Variants in C5orf15 observed in about 807,000 individuals in gnomAD.
C5orf15 encodes the protein chromosome 5 open reading frame 15.
C5orf15 carries 10 observed loss-of-function variants against 17.8 expected under a neutral mutation model. That is an observed-to-expected ratio of 0.56 (90% CI 0.35 to 0.95). The LOEUF is 0.95. Among genes scored for constraint, C5orf15 ranks in the 40% least tolerant of loss-of-function variants. The pLI is 0.02. For synonymous variants in C5orf15, 124 were observed against 131.0 expected, an observed-to-expected ratio of 0.95 and a Z score of 0.36; for missense variants, 319 against 331.7, an observed-to-expected ratio of 0.96 and a Z score of 0.30.
intron 1 of C5orf15, among the ~76,000 whole-genome samples, chr5:133,963,455 A>G (rs1195650776): frequency 2.0e-5 from 3 of 152,148 alleles, no homozygotes; most frequent in Non-Finnish European, 4.4e-5. Context: ...TGTTTCTCCC[A>G]CTAAAAACAA....
At chr5:133,961,136 C>T (rs1267261650) in intron 1 of C5orf15, among the ~76,000 whole-genome samples, 2 of 148,020 alleles carry the variant, frequency 1.4e-5, no homozygotes, top group Non-Finnish European at 3.0e-5. Flanking sequence ...GGTTTGTGTA[C>T]CACAGTTGAC....
chr5:133,966,167 G>T (rs969656193), intron 1 of C5orf15, among the ~76,000 whole-genome samples: 3 of 151,732 alleles, frequency 2.0e-5, no homozygotes. Flanking sequence ...GTTGCAATGA[G>T]CCGAGATCAC....
At chr5:133,960,857 C>T (rs1199398836) in intron 1 of C5orf15, among the ~76,000 whole-genome samples, 2 of 151,850 alleles carry the variant, frequency 1.3e-5, no homozygotes, top group African/African-American at 2.4e-5. Context: ...GGAATCCCTG[C>T]CGAAATTTAA....
intron 2 of C5orf15, 73 bp downstream of exon 2, chr5:133,959,404 CAAAAAAAAAAAAAAAAA>C: frequency 8.1e-6 from 1 of 123,562 alleles, no homozygotes. Flanking sequence ...CTTTTTTTTG[CAAAAAAAAAAAAAAAAA>C]AAAAAAAGAA....
intron 2 of C5orf15, among the ~76,000 whole-genome samples, chr5:133,958,576 CAAAAAAA>C (rs71581378): frequency 1.9e-4 from 6 of 32,000 alleles, no homozygotes; most frequent in Non-Finnish European, 4.2e-4. Flanking sequence ...AGCTCTGTCT[CAAAAAAA>C]AAAAAAAAAA....
At chr5:133,960,316 T>A (rs867778942) in intron 1 of C5orf15, among the ~76,000 whole-genome samples, 1 of 152,230 alleles carries the variant, frequency 6.6e-6, no homozygotes, top group African/African-American at 2.4e-5. Context: ...TAAGTCACGA[T>A]GGCAAAGTTC....
At chr5:133,965,076 C>T (rs546974894) in intron 1 of C5orf15, among the ~76,000 whole-genome samples, 2 of 152,286 alleles carry the variant, frequency 1.3e-5, no homozygotes, top group South Asian at 4.1e-4. Context: ...CATTACCTCA[C>T]TCTCATTATC....
chr5:133,961,125 T>G (rs2126877232), intron 1 of C5orf15, among the ~76,000 whole-genome samples: 1 of 151,142 alleles, frequency 6.6e-6, no homozygotes, highest in East Asian at 1.9e-4. Flanking sequence ...GAATACACTC[T>G]GGTTTGTGTA....
chr5:133,955,657 C>T lies in C5orf15; in HGVS notation c.*1202G>A, dbSNP rs1752033499. On this transcript the variant is annotated 3_prime_UTR_variant, in exon 3 of 3. Transcript: ENST00000231512. ...CCCTATTAGGAAAGTACACTGTCCG[C>T]CCAAGAGACAGGATGGACGGCCTTC... 1 of 152,628 alleles carries T rather than the reference C, an allele frequency of 6.6e-6. No individual in the cohort carries two copies. Among genetic ancestry groups the T allele is most frequent in the East Asian group, 1.9e-4 (1 of 5,200 alleles). 9.5% of individuals were successfully genotyped at this position (152,628 alleles called of 1,614,324 possible).
rs116803874 is a variant in C5orf15 at position 133,963,041 on chromosome 5, G to T, written c.140-3021C>A. Among the ~76,000 whole-genome samples, 964 of 152,202 alleles carry T rather than the reference G, an allele frequency of 6.3e-3. 11 individuals carry two copies. Among genetic ancestry groups the T allele is most frequent in the African/African-American group, 0.022 (924 of 41,512 alleles). ...CTCTGACTACTCACATCTGCACCCAGCAGCTGAACATGGCTAGAAAAAATA... is the reference window on the plus strand; with the variant it reads ...CTCTGACTACTCACATCTGCACCCATCAGCTGAACATGGCTAGAAAAAATA... On this transcript the variant is annotated intron_variant, in intron 1 of 2. Coordinates refer to ENST00000231512, the MANE Select transcript of C5orf15 (RefSeq NM_020199.3).
intron 1 of C5orf15, 120 bp from the exon 2 acceptor site, chr5:133,960,140 G>A (rs1465380774): frequency 5.4e-5 from 42 of 782,122 alleles, no homozygotes; most frequent in Non-Finnish European, 7.5e-5. Flanking sequence ...TAACTTTCTC[G>A]AAAACTAGTT....
At position 133,959,558 on chromosome 5, in the gene C5orf15, A is replaced by G; in HGVS notation, c.602T>C (p.Phe201Ser). The G allele has an allele frequency of 6.2e-7, 1 of 1,603,740 alleles. No individual in the cohort carries two copies. Among genetic ancestry groups the G allele is most frequent in the African/African-American group, 1.3e-5 (1 of 74,302 alleles). ...GCAAAAAGCAAAAATAATAAGATGAAAAAAGAAATGGCTGTCTTCCTCTTC... is the reference window on the plus strand; with the variant it reads ...GCAAAAAGCAAAAATAATAAGATGAGAAAAGAAATGGCTGTCTTCCTCTTC... ...NIEEEDSHFF[F>S]HLIIFAFCIA... Residue 201 changes from phenylalanine to serine, a missense_variant, in exon 2 of 3, where the codon TTT becomes TCT. Around this residue, in one of 3 missense-constraint regions of C5orf15, gnomAD observed 175 missense variants for 192.4 expected, o/e 0.91. Coordinates refer to ENST00000231512, the MANE Select transcript of C5orf15 (RefSeq NM_020199.3).
chr5:133,957,402 T>C (rs1440758925), intron 2 of C5orf15, among the ~76,000 whole-genome samples: 1 of 152,086 alleles, frequency 6.6e-6, no homozygotes, highest in Non-Finnish European at 1.5e-5. Context: ...CTTTCCATCT[T>C]GTAAAGAAGG....
intron 1 of C5orf15, 48 bp from the exon 2 acceptor site, chr5:133,960,068 A>T: frequency 6.6e-7 from 1 of 1,518,758 alleles, no homozygotes; most frequent in Non-Finnish European, 8.9e-7. Context: ...CTTTATCTCC[A>T]CCAAGCTAAA....
At chr5:133,963,206 A>G (rs1046761248) in intron 1 of C5orf15, among the ~76,000 whole-genome samples, 1 of 152,230 alleles carries the variant, frequency 6.6e-6, no homozygotes, top group African/African-American at 2.4e-5. Context: ...TAGGACACCA[A>G]TCACATTTTC....
intron 1 of C5orf15, among the ~76,000 whole-genome samples, chr5:133,967,125 T>C (rs904308130): frequency 6.6e-6 from 1 of 152,174 alleles, no homozygotes; most frequent in Non-Finnish European, 1.5e-5. Context: ...TCTTAGATGA[T>C]TAAATGGCCA....
At chr5:133,968,060 C>G (rs1020094539) in intron 1 of C5orf15, among the ~76,000 whole-genome samples, 2 of 152,088 alleles carry the variant, frequency 1.3e-5, no homozygotes, top group African/African-American at 4.8e-5. Context: ...TGTCGCCACC[C>G]TCTCTTCCAG....
intron 1 of C5orf15, 118 bp downstream of exon 1, chr5:133,968,328 C>T (rs1028686480): frequency 7.9e-6 from 11 of 1,395,516 alleles, no homozygotes; most frequent in Admixed American, 4.4e-5. Flanking sequence ...CTGACCCAAC[C>T]AGACACCGCC....
Position 133,968,569 on chromosome 5 carries a change from G to C in C5orf15, c.16C>G (p.Pro6Ala). Residue 6 changes from proline (P) to alanine (A), a missense_variant, in exon 1 of 3, where the codon CCG (proline) becomes GCG (alanine). By Grantham distance (27) the Pro-to-Ala change is conservative. Coordinates refer to ENST00000231512, the MANE Select transcript of C5orf15 (RefSeq NM_020199.3). The stretch of plus-strand genomic sequence containing the variant: ...TGTGCTGGCCCCCTCATCCTCTTCG[G>C]GACGGCAGCGGCCATAACGGACTCG... MAAAV[P>A]KRMRGPAQAK... 1 of 1,609,372 alleles carries C rather than the reference G, an allele frequency of 6.2e-7. No homozygotes were observed. The highest frequency in any genetic ancestry group is 8.5e-7 in the Non-Finnish European group (1 of 1,178,454).
Sources: gnomAD v4.1 joint callset for allele counts (sites outside exome capture counted in the v4.1 genomes callset) on GRCh38, gnomAD v4.1.1 for gene constraint, gnomAD v4.1.1 regional missense constraint, MANE v1.5 for transcripts, NCBI Gene and HGNC (gene_info 2026-07-23, HGNC 2026-07-21) for gene names.